PREX2: variants seen among roughly 807,000 people sequenced by gnomAD.
PREX2 encodes the protein phosphatidylinositol 3,4,5-trisphosphate-dependent Rac exchanger 2 protein.
In PREX2, 107 loss-of-function variants were observed where a neutral mutation model predicts 203.2. The ratio of observed to expected loss-of-function variants is 0.53; its 90% CI spans 0.45 to 0.62. The LOEUF is 0.62. Ranked by LOEUF, PREX2 falls within the 20% of genes least tolerant of loss-of-function variation. The pLI is 0.00. For synonymous variants in PREX2, 672 were observed against 663.6 expected, an observed-to-expected ratio of 1.01 and a Z score of -0.19; for missense variants, 1,777 against 1,955.9, an observed-to-expected ratio of 0.91 and a Z score of 1.72.
intron 13 of PREX2, among the ~76,000 whole-genome samples, chr8:68,070,272 A>G (rs564051612): frequency 6.6e-6 from 1 of 151,980 alleles, no homozygotes; most frequent in East Asian, 1.9e-4. Context: ...ATAATCAAAT[A>G]TTGAATATGT....
chr8:67,975,702 T>TC (rs1305314378), intron 1 of PREX2, among the ~76,000 whole-genome samples: 2 of 112,532 alleles, frequency 1.8e-5, no homozygotes, highest in Non-Finnish European at 3.7e-5. Flanking sequence ...TTCTTTTTTT[T>TC]TTTTTTTTTT....
chr8:67,983,045 T>C (rs917012007), intron 1 of PREX2, among the ~76,000 whole-genome samples: 1 of 152,246 alleles, frequency 6.6e-6, no homozygotes, highest in African/African-American at 2.4e-5. Flanking sequence ...CTCTTTTTCC[T>C]GATTCCTTTA....
intron 38 of PREX2, among the ~76,000 whole-genome samples, chr8:68,224,276 C>G (rs1384946713): frequency 1.3e-5 from 2 of 152,138 alleles, no homozygotes; most frequent in African/African-American, 4.8e-5. Flanking sequence ...GTTGGCCCCT[C>G]AAAGTACTGG....
intron 11 of PREX2, among the ~76,000 whole-genome samples, chr8:68,067,427 GTT>G (rs1809049665): frequency 6.6e-6 from 1 of 151,708 alleles, no homozygotes; most frequent in Non-Finnish European, 1.5e-5. Flanking sequence ...TTCTTTCATG[GTT>G]TATAGTTTTC....
intron 30 of PREX2, among the ~76,000 whole-genome samples, chr8:68,125,270 A>G (rs1038258821): frequency 1.5e-4 from 23 of 152,144 alleles, no homozygotes; most frequent in African/African-American, 5.5e-4. Context: ...GAATGACTTA[A>G]TGAAAGGTTA....
At chr8:68,014,967 A>G (rs1807372902) in intron 1 of PREX2, among the ~76,000 whole-genome samples, 1 of 152,204 alleles carries the variant, frequency 6.6e-6, no homozygotes, top group Non-Finnish European at 1.5e-5. Flanking sequence ...ACCCACTAGC[A>G]TAAAAAAGCT....
intron 35 of PREX2, among the ~76,000 whole-genome samples, chr8:68,160,842 T>G: frequency 6.6e-6 from 1 of 152,156 alleles, no homozygotes; most frequent in East Asian, 1.9e-4. Context: ...CAACAGAATC[T>G]TTCTCTTTTT....
chr8:67,992,982 A>G (rs1467523613), intron 1 of PREX2, among the ~76,000 whole-genome samples: 2 of 152,222 alleles, frequency 1.3e-5, no homozygotes, highest in African/African-American at 2.4e-5. Flanking sequence ...AAAACTAGAT[A>G]TTTGAAGATT....
At chr8:68,076,723 A>G (rs1387798931) in intron 14 of PREX2, among the ~76,000 whole-genome samples, 1 of 146,248 alleles carries the variant, frequency 6.8e-6, no homozygotes, top group African/African-American at 2.5e-5. Context: ...ACACACACAC[A>G]CATGCATGTT....
In PREX2 at chr8:68,118,562, C is replaced by T. The variant is rs986315037; in HGVS notation, c.3339C>T (p.Ser1113=). ...SNRDSYSDCN[S]NRNSIASFTS... is the part of the protein sequence containing the mutation. ...CTGTTGTTTTCAGTGACTGCAACAG[C>T]AATAGGAATTCCATCGCCTCCTTCA... Residue 1113 remains serine (S), a synonymous_variant, in exon 27 of 40, where the codon AGC becomes AGT. Transcript: ENST00000288368. The T allele has an allele frequency of 4.3e-6, 7 of 1,613,622 alleles. No individual in the cohort carries two copies. In the African/African-American group the frequency reaches 8.0e-5, roughly 18 times the overall value.
chr8:67,958,011 T>C (rs1220371280), intron 1 of PREX2, among the ~76,000 whole-genome samples: 2 of 151,970 alleles, frequency 1.3e-5, no homozygotes, highest in African/African-American at 2.4e-5. Context: ...TGGGAGGACA[T>C]GGGGAAAAGG....
intron 25 of PREX2, among the ~76,000 whole-genome samples, chr8:68,113,591 T>C (rs1255952502): frequency 6.6e-6 from 1 of 152,206 alleles, no homozygotes; most frequent in East Asian, 1.9e-4. Flanking sequence ...CCTCAAGCAA[T>C]GTAACATAGC....
chr8:68,000,448 T>C (rs1416474307), intron 1 of PREX2, among the ~76,000 whole-genome samples: 1 of 152,042 alleles, frequency 6.6e-6, no homozygotes, highest in Non-Finnish European at 1.5e-5. Flanking sequence ...AAATCAGAGA[T>C]GACACAAACA....
intron 22 of PREX2, 96 bp from the exon 23 acceptor site, chr8:68,099,586 T>C: frequency 8.2e-7 from 1 of 1,221,510 alleles, no homozygotes; most frequent in East Asian, 2.4e-5. Context: ...TATGGCTACT[T>C]TTGAAGTTTT....
At position 68,038,312 on chromosome 8, in the gene PREX2, A is replaced by G. The variant is rs1808095750; in HGVS notation, c.839+20A>G. The G allele has an allele frequency of 6.2e-7, 1 of 1,612,410 alleles. No individual in the cohort carries two copies. The highest frequency in any genetic ancestry group is 8.5e-7 in the Non-Finnish European group (1 of 1,179,282). On this transcript the variant is annotated intron_variant, in intron 7 of 39. Coordinates refer to ENST00000288368, the MANE Select transcript of PREX2 (RefSeq NM_024870.4). ...ACACAGGTAAGATCCTAAGCAGGAC[A>G]CACTTCAGAAGTGGTCACAGTTTCT...
intron 38 of PREX2, among the ~76,000 whole-genome samples, chr8:68,220,550 A>G (rs1421739499): frequency 6.6e-6 from 1 of 152,134 alleles, no homozygotes; most frequent in Admixed American, 6.5e-5. Context: ...TGAGGTTGAC[A>G]TGCTCCTTGC....
chr8:67,952,579 G>A (rs377559517), intron 1 of PREX2, 44 bp downstream of exon 1: 3 of 1,587,648 alleles, frequency 1.9e-6, no homozygotes, highest in South Asian at 1.1e-5. Context: ...GGGCGGCGCG[G>A]GGCGCGGGTC....
chr8:68,199,056 T>G (rs1812454026), intron 37 of PREX2, among the ~76,000 whole-genome samples: 2 of 152,146 alleles, frequency 1.3e-5, no homozygotes, highest in Non-Finnish European at 2.9e-5. Context: ...GGGTCCTGGA[T>G]TTTTAACTAG....
chr8:67,976,440 GAGAGAGAC>G (rs1806089173), intron 1 of PREX2, among the ~76,000 whole-genome samples: 1 of 123,256 alleles, frequency 8.1e-6, no homozygotes, highest in Non-Finnish European at 1.8e-5. Flanking sequence ...AGAGAGATGG[GAGAGAGAC>G]AGAGAGAGAG....
Sources: gnomAD v4.1 joint callset for allele counts (sites outside exome capture counted in the v4.1 genomes callset) on GRCh38, gnomAD v4.1.1 for gene constraint, MANE v1.5 for transcripts, NCBI Gene and HGNC (gene_info 2026-07-23, HGNC 2026-07-21) for gene names.